Variants in SUCO observed in about 807,000 individuals in gnomAD.
SUCO encodes the protein SUN domain-containing ossification factor.
Under a neutral mutation model 148.1 loss-of-function variants are expected in SUCO, and 57 were observed. That is an observed-to-expected ratio of 0.38 (90% confidence interval 0.31 to 0.48). The LOEUF is 0.48. SUCO is among the 20% of genes least tolerant of loss of function. SUCO has a pLI of 0.96. For synonymous variants in SUCO, 470 were observed against 502.7 expected (o/e 0.93, Z 0.87); for missense variants, 1,331 against 1,468.2 (o/e 0.91, Z 1.53).
chr1:172,608,750 A>G lies in SUCO; in HGVS notation c.3269A>G (p.Asp1090Gly), dbSNP rs575434865. ...TTTTTTTTTTTTTTACTTACAGTAG[A>G]CCCAAATGATTTGTACATTGTAGAA... Reference protein sequence around the residue: ...KSLQLTGKEVDPNDLYIVEPL... With the variant: ...KSLQLTGKEVGPNDLYIVEPL... Residue 1090 changes from aspartate (D) to glycine (G), a missense_variant, in exon 23 of 24, where the codon GAC (aspartate) becomes GGC (glycine). By Grantham distance (94) the Asp-to-Gly change is moderately conservative. This residue lies in a region of SUCO where 334 missense variants were observed against 352.3 expected (regional missense o/e 0.95). Coordinates refer to ENST00000263688, the MANE Select transcript of SUCO (RefSeq NM_014283.5). 3.8e-6 allele frequency: 6 copies of G among 1,575,420 alleles called. No homozygotes were observed. In the South Asian group the frequency reaches 7.0e-5, roughly 18 times the overall value.
chr1:172,605,271 T>C (rs2149272786), intron 22 of SUCO, among the ~76,000 whole-genome samples: 1 of 152,038 alleles, frequency 6.6e-6, no homozygotes, highest in South Asian at 2.1e-4. Context: ...ATGAAGCTTT[T>C]CCCCTGTTTT....
intron 6 of SUCO, among the ~76,000 whole-genome samples, chr1:172,559,216 T>A (rs1178238383): frequency 6.6e-6 from 1 of 152,240 alleles, no homozygotes; most frequent in Non-Finnish European, 1.5e-5. Context: ...GTATTGTTTA[T>A]AGACAGTGCA....
intron 9 of SUCO, among the ~76,000 whole-genome samples, chr1:172,573,106 A>G (rs925479790): frequency 1.3e-5 from 2 of 152,214 alleles, no homozygotes; most frequent in African/African-American, 4.8e-5. Context: ...GTCAAAGTGT[A>G]TAATTTGGTA....
intron 1 of SUCO, among the ~76,000 whole-genome samples, chr1:172,550,362 G>A (rs1254659635): frequency 6.6e-6 from 1 of 151,934 alleles, no homozygotes; most frequent in Non-Finnish European, 1.5e-5. Flanking sequence ...TTCTTGCCAA[G>A]TTTCTATCTG....
chr1:172,609,580 A>G (rs757360673), intron 23 of SUCO: 1 of 984,220 alleles, frequency 1.0e-6, no homozygotes, highest in Non-Finnish European at 1.2e-6. Context: ...CTAAACCTAT[A>G]TTCATAGGTA....
In SUCO at chr1:172,574,484, A is replaced by C. The variant is rs549149408; in HGVS notation, c.1157+486A>C. ...GTGTGATTATAAAAGAAATAAATAT[A>C]TGTTGTGAGGAATTTGGAATAGAAC... is the stretch of plus-strand genomic sequence containing the variant. On this transcript the variant is annotated intron_variant, in intron 10 of 23. Transcript: ENST00000263688. Among the ~76,000 whole-genome samples, 3 of 151,806 alleles carry C rather than the reference A, an allele frequency of 2.0e-5. No homozygotes were observed. The East Asian group carries it at 5.8e-4, about 29-fold the overall frequency.
intron 14 of SUCO, 65 bp downstream of exon 14, chr1:172,578,454 A>G (rs769098280): frequency 1.3e-6 from 2 of 1,503,592 alleles, no homozygotes; most frequent in Admixed American, 1.8e-5. Context: ...TCGAATAGTA[A>G]TGGGGGAGTA....
intron 21 of SUCO, 75 bp from the exon 22 acceptor site, chr1:172,602,621 T>C: frequency 1.3e-6 from 2 of 1,573,444 alleles, no homozygotes; most frequent in South Asian, 2.4e-5. Flanking sequence ...ATAACCTCTG[T>C]GTAGCCTCAA....
chr1:172,578,898 GA>G (rs1360537824), intron 14 of SUCO, among the ~76,000 whole-genome samples: 1 of 152,034 alleles, frequency 6.6e-6, no homozygotes, highest in African/African-American at 2.4e-5. Context: ...ATTTTCTCAA[GA>G]GTGAAATGAA....
chr1:172,545,469 CAG>C (rs966849184), intron 1 of SUCO, among the ~76,000 whole-genome samples: 38 of 152,194 alleles, frequency 2.5e-4, no homozygotes, highest in African/African-American at 8.9e-4. Context: ...AAAGGAGACT[CAG>C]AAACAAGAGT....
At chr1:172,535,693 A>G (rs1485465904) in intron 1 of SUCO, among the ~76,000 whole-genome samples, 6 of 152,162 alleles carry the variant, frequency 3.9e-5, no homozygotes, top group Non-Finnish European at 7.4e-5. Context: ...CTCTTTTGTT[A>G]TTCACAAATT....
chr1:172,604,631 G>A (rs1571298283), intron 22 of SUCO, among the ~76,000 whole-genome samples: 3 of 151,632 alleles, frequency 2.0e-5, no homozygotes, highest in South Asian at 2.1e-4. Context: ...GAATGTTTTC[G>A]TCTTGCAAAC....
chr1:172,607,047 T>G (rs918017494), intron 22 of SUCO, among the ~76,000 whole-genome samples: 1 of 151,936 alleles, frequency 6.6e-6, no homozygotes, highest in Non-Finnish European at 1.5e-5. Context: ...GTATTTTCCT[T>G]GTTATATGTT....
At chr1:172,533,637 T>C in intron 1 of SUCO, 140 bp downstream of exon 1, 1 of 1,107,330 alleles carries the variant, frequency 9.0e-7, no homozygotes. Flanking sequence ...CGATTACTTC[T>C]CGACTCTCCA....
chr1:172,549,747 A>G (rs146557894), intron 1 of SUCO, among the ~76,000 whole-genome samples: 1 of 152,030 alleles, frequency 6.6e-6, no homozygotes. Flanking sequence ...CTTTTACCCT[A>G]ATACTTAACG....
chr1:172,533,318 C>T lies in SUCO; in HGVS notation c.-118C>T, dbSNP rs1250084138. 6.4e-7 allele frequency: 1 copy of T among 1,551,164 alleles called. No individual in the cohort carries two copies. The highest frequency in any genetic ancestry group is 8.7e-7 in the Non-Finnish European group (1 of 1,146,970). On this transcript the variant is annotated 5_prime_UTR_variant, in exon 1 of 24. Coordinates refer to ENST00000263688, the MANE Select transcript of SUCO (RefSeq NM_014283.5). ...GGAGCCGCTCAGCCAGCGCCATAGCCCTTAGGACTATCGGTCACATTCTCG... is the reference window on the plus strand; with the variant it reads ...GGAGCCGCTCAGCCAGCGCCATAGCTCTTAGGACTATCGGTCACATTCTCG...
chr1:172,594,946 T>C (rs1021401030), intron 19 of SUCO, among the ~76,000 whole-genome samples: 1 of 152,222 alleles, frequency 6.6e-6, no homozygotes, highest in African/African-American at 2.4e-5. Flanking sequence ...AAGGACTTGC[T>C]TCATGAATCT....
chr1:172,605,531 A>G (rs1465086071), intron 22 of SUCO, among the ~76,000 whole-genome samples: 1 of 151,798 alleles, frequency 6.6e-6, no homozygotes, highest in Non-Finnish European at 1.5e-5. Context: ...GTCTGTGTTT[A>G]TGCCAGTACT....
intron 8 of SUCO, chr1:172,570,458 G>A: frequency 3.9e-6 from 2 of 513,304 alleles, no homozygotes; most frequent in Non-Finnish European, 6.9e-6. Context: ...AATTTTAAAT[G>A]TATCATTGTA....
Sources: allele counts gnomAD v4.1 joint callset (sites outside exome capture counted in the v4.1 genomes callset), GRCh38; gene constraint gnomAD v4.1.1; regional missense constraint gnomAD v4.1.1; transcripts MANE v1.5; gene names NCBI Gene and HGNC (gene_info 2026-07-23, HGNC 2026-07-21).